Variants in KLHL29 observed in about 807,000 individuals in gnomAD.
KLHL29 encodes kelch-like protein 29.
A neutral mutation model predicts 80.4 loss-of-function variants in KLHL29; 21 were observed. The observed-to-expected ratio is 0.26, with a 90% CI of 0.19 to 0.38. The LOEUF is 0.38. KLHL29 is among the 10% of genes least tolerant of loss of function. The pLI is 1.00. For synonymous variants in KLHL29, 511 were observed against 526.8 expected, an observed-to-expected ratio of 0.97 and a Z score of 0.41; for missense variants, 867 against 1,223.9, an observed-to-expected ratio of 0.71 and a Z score of 4.35.
At chr2:23,706,267 G>A (rs1023408126) in intron 13 of KLHL29, among the ~76,000 whole-genome samples, 5 of 152,188 alleles carry the variant, frequency 3.3e-5, no homozygotes, top group African/African-American at 7.2e-5. Context: ...TCTGCCGCTC[G>A]CAGGGTGGCA....
At position 23,586,261 on chromosome 2, in the gene KLHL29, A is replaced by G. The variant is rs1446609836; in HGVS notation, c.285+23780A>G. Among the ~76,000 whole-genome samples, 4 of 152,094 alleles carry G rather than the reference A, an allele frequency of 2.6e-5. No homozygotes were observed. In the East Asian group the frequency reaches 5.8e-4, roughly 22 times the overall value. On this transcript the variant is annotated intron_variant, in intron 3 of 13. Coordinates refer to ENST00000486442, the MANE Select transcript of KLHL29 (RefSeq NM_052920.2). ...TGTACATTCCTAAGGCTGTGGGACCATCACCACTATCTAGTTCCAGAATGT... is the reference window on the plus strand; with the variant it reads ...TGTACATTCCTAAGGCTGTGGGACCGTCACCACTATCTAGTTCCAGAATGT...
chr2:23,637,517 T>C (rs1339660319), intron 3 of KLHL29, among the ~76,000 whole-genome samples: 2 of 152,180 alleles, frequency 1.3e-5, no homozygotes, highest in African/African-American at 4.8e-5. Context: ...TCTTGCTCTG[T>C]TCACAAAAGC....
At chr2:23,548,332 GACACACACAC>G (rs377208071) in intron 2 of KLHL29, among the ~76,000 whole-genome samples, 1 of 149,806 alleles carries the variant, frequency 6.7e-6, no homozygotes, top group African/African-American at 2.5e-5. Context: ...CAAGCACACA[GACACACACAC>G]AGGCACACAG....
chr2:23,493,690 C>T (rs1665174385), intron 2 of KLHL29, among the ~76,000 whole-genome samples: 1 of 151,816 alleles, frequency 6.6e-6, no homozygotes, highest in Admixed American at 6.6e-5. Flanking sequence ...TGTGTGTGTG[C>T]ATGTTTATGC....
At chr2:23,519,036 G>A (rs1010060191) in intron 2 of KLHL29, among the ~76,000 whole-genome samples, 2 of 152,190 alleles carry the variant, frequency 1.3e-5, no homozygotes, top group African/African-American at 4.8e-5. Context: ...GCGGCATGTG[G>A]AGAGCCCACT....
chr2:23,413,879 G>C (rs1666923168), intron 1 of KLHL29, among the ~76,000 whole-genome samples: 1 of 152,160 alleles, frequency 6.6e-6, no homozygotes, highest in Non-Finnish European at 1.5e-5. Context: ...CCTGCTGTGG[G>C]GTAAGGTGGC....
rs1265472460 is a variant in KLHL29 at position 23,493,672 on chromosome 2, CATGT to C, written c.-46+18006_-46+18009del. On this transcript the variant is annotated intron_variant, in intron 2 of 13. Transcript: ENST00000486442. ...GTGTGTGTGTGCGCGCATGTGTGTG[CATGT>C]GTATGTGTGTGTGCATGTTTATGCG... 6.6e-5 allele frequency among the ~76,000 whole-genome samples: 10 copies of C among 151,698 alleles called. 1 individual carries two copies. The South Asian group carries it at 1.9e-3, about 29-fold the overall frequency.
intron 11 of KLHL29, among the ~76,000 whole-genome samples, chr2:23,698,798 A>C (rs1206396172): frequency 6.6e-6 from 1 of 152,140 alleles, no homozygotes; most frequent in Non-Finnish European, 1.5e-5. Context: ...CAGGAAGCTG[A>C]CAGATTGAGC....
Position 23,606,376 on chromosome 2 carries a change from G to A in KLHL29, c.286-32763G>A, listed in dbSNP as rs10196393. Among the ~76,000 whole-genome samples, 693 of 152,154 alleles carry A rather than the reference G, an allele frequency of 4.6e-3. 6 individuals carry two copies. Among genetic ancestry groups the A allele is most frequent in the African/African-American group, 0.016 (662 of 41,486 alleles). The stretch of plus-strand genomic sequence containing the variant: ...GGGTCTCTGGCCTCCTTTGTTTCAC[G>A]TCCCTTGTGTGATTGCAAGGCGCCC... On this transcript the variant is annotated intron_variant, in intron 3 of 13. Coordinates refer to ENST00000486442, the MANE Select transcript of KLHL29 (RefSeq NM_052920.2).
chr2:23,517,402 G>A (rs965182511), intron 2 of KLHL29, among the ~76,000 whole-genome samples: 1 of 152,152 alleles, frequency 6.6e-6, no homozygotes, highest in African/African-American at 2.4e-5. Context: ...AATTAGGTGG[G>A]CCTGGTGGCA....
chr2:23,536,638 T>G (rs1709317), intron 2 of KLHL29, among the ~76,000 whole-genome samples: 112,240 of 152,110 alleles, frequency 0.74, 42,064 homozygotes, highest in East Asian at 0.9. Context: ...ACCTTTTCGT[T>G]TATAAAATAC....
At chr2:23,698,013 C>CTGT (rs1672081851) in intron 11 of KLHL29, 2 of 152,244 alleles carry the variant, frequency 1.3e-5, no homozygotes, top group Non-Finnish European at 2.9e-5. Flanking sequence ...CAAACTTATA[C>CTGT]TGTTGATAAA....
At chr2:23,588,564 G>A (rs1668174306) in intron 3 of KLHL29, among the ~76,000 whole-genome samples, 1 of 152,248 alleles carries the variant, frequency 6.6e-6, no homozygotes, top group African/African-American at 2.4e-5. Context: ...CCAGTGTGGT[G>A]CTTCTTAGAC....
intron 2 of KLHL29, among the ~76,000 whole-genome samples, chr2:23,511,710 A>G (rs747858165): frequency 6.6e-6 from 1 of 152,176 alleles, no homozygotes; most frequent in African/African-American, 2.4e-5. Flanking sequence ...GGGATGTGAT[A>G]TCGGTGCCTG....
intron 1 of KLHL29, among the ~76,000 whole-genome samples, chr2:23,430,869 T>C (rs142363032): frequency 6.6e-6 from 1 of 152,350 alleles, no homozygotes; most frequent in African/African-American, 2.4e-5. Flanking sequence ...AAAAGAATTG[T>C]CTCAGGTCAG....
At chr2:23,420,704 C>T (rs1662774003) in intron 1 of KLHL29, among the ~76,000 whole-genome samples, 1 of 152,196 alleles carries the variant, frequency 6.6e-6, no homozygotes, top group African/African-American at 2.4e-5. Flanking sequence ...GCCTGCTGGA[C>T]CTTGTGCTGG....
chr2:23,522,918 C>T (rs914644395), intron 2 of KLHL29, among the ~76,000 whole-genome samples: 1 of 152,202 alleles, frequency 6.6e-6, no homozygotes, highest in Non-Finnish European at 1.5e-5. Context: ...CCTGCATGGA[C>T]TCGACTTTGT....
chr2:23,415,891 T>C (rs1666974693), intron 1 of KLHL29, among the ~76,000 whole-genome samples: 1 of 152,088 alleles, frequency 6.6e-6, no homozygotes, highest in Admixed American at 6.5e-5. Context: ...TTGTAAAAGA[T>C]AGTAATACTC....
chr2:23,555,186 G>C (rs537657612), intron 2 of KLHL29, among the ~76,000 whole-genome samples: 27 of 152,006 alleles, frequency 1.8e-4, no homozygotes, highest in African/African-American at 6.3e-4. Context: ...GATCCTGGCT[G>C]ACCTAGCACA....
Sources: allele counts gnomAD v4.1 joint callset (sites outside exome capture counted in the v4.1 genomes callset), GRCh38; gene constraint gnomAD v4.1.1; transcripts MANE v1.5; gene names NCBI Gene and HGNC (gene_info 2026-07-23, HGNC 2026-07-21).